Variants in PRSS23 observed in about 807,000 individuals in gnomAD.
PRSS23 encodes the protein serine protease 23, also known as protease, serine 23.
PRSS23 carries 25 observed loss-of-function variants against 34.7 expected under a neutral mutation model. The observed-to-expected ratio is 0.72, with a 90% CI of 0.53 to 1.01. The LOEUF is 1.01. Ranked by LOEUF, PRSS23 falls within the 50% of genes least tolerant of loss-of-function variation. The pLI is 0.00. For synonymous variants in PRSS23, 176 were observed against 186.6 expected, an observed-to-expected ratio of 0.94 and a Z score of 0.46; for missense variants, 445 against 475.6, an observed-to-expected ratio of 0.94 and a Z score of 0.60.
rs374428856 is a variant in PRSS23, at chr11:86,952,332, T to C, written c.*1047T>C. ...GGTGGGAATTTGCTGCAGTTCAGAC[T>C]CTCTGGCCAGGCAAATCCAAATTCC... On this transcript the variant is annotated 3_prime_UTR_variant, in exon 3 of 3. Coordinates refer to the PRSS23 transcript ENST00000533902. 3.7e-6 allele frequency: 6 copies of C among 1,614,176 alleles called. No individual in the cohort carries two copies. The South Asian group carries it at 6.6e-5, about 18-fold the overall frequency.
At position 86,808,056 on chromosome 11, in the gene PRSS23, G is replaced by A. The variant is rs1395472854; in HGVS notation, c.413G>A (p.Ser138Asn). ...ATTTATGGCTATGACAGCAGGTTCA[G>A]CATTTTTGGGAAGGACTTCCTGCTC... ...RQIYGYDSRF[S>N]IFGKDFLLNY... Residue 138 changes from serine to asparagine, a missense_variant, in exon 2 of 2, where the codon AGC (serine) becomes AAC (asparagine). Physicochemically the swap from Ser to Asn is conservative, Grantham distance 46 (BLOSUM62 1). Coordinates refer to ENST00000280258, the MANE Select transcript of PRSS23 (RefSeq NM_007173.6). The A allele has an allele frequency of 1.2e-6, 2 of 1,613,928 alleles. No homozygotes were observed. Among genetic ancestry groups the A allele is most frequent in the African/African-American group, 2.7e-5 (2 of 74,866 alleles).
At chr11:86,907,328 T>C (rs1024842036) in intron 2 of PRSS23, among the ~76,000 whole-genome samples, 41 of 152,340 alleles carry the variant, frequency 2.7e-4, no homozygotes, top group African/African-American at 9.6e-4. Flanking sequence ...AAATGTTTAT[T>C]GAACAAATTA....
rs573022668 is a variant in PRSS23, at chr11:86,844,552, A to G, written c.206+20959A>G. Among the ~76,000 whole-genome samples, 3 of 152,346 alleles carry G rather than the reference A, an allele frequency of 2.0e-5. No homozygotes were observed. The South Asian group carries it at 6.2e-4, about 32-fold the overall frequency. On this transcript the variant is annotated intron_variant, in intron 2 of 2. Transcript: ENST00000533902. The stretch of plus-strand genomic sequence containing the variant: ...TTTTTTGAGTCTGGAGTAATGTGAA[A>G]GTCTAAAATGTGTGTCAGTCCAAGC...
At chr11:86,841,196 T>G (rs574109185) in intron 2 of PRSS23, among the ~76,000 whole-genome samples, 24 of 151,714 alleles carry the variant, frequency 1.6e-4, no homozygotes, top group African/African-American at 5.3e-4. Context: ...AAAATTAGCC[T>G]GGTGTGGTGG....
chr11:86,849,062 A>C (rs1381608876), intron 2 of PRSS23, among the ~76,000 whole-genome samples: 1 of 152,174 alleles, frequency 6.6e-6, no homozygotes, highest in South Asian at 2.1e-4. Flanking sequence ...CAGCAACAGG[A>C]CTGAGGGTGC....
At chr11:86,904,077 G>A (rs775971446) in intron 2 of PRSS23, among the ~76,000 whole-genome samples, 1 of 149,656 alleles carries the variant, frequency 6.7e-6, no homozygotes, top group Non-Finnish European at 1.5e-5. Flanking sequence ...GGTAAATCAG[G>A]GATAGCATAT....
chr11:86,826,917 G>A lies in PRSS23; in HGVS notation c.206+3324G>A, dbSNP rs1293393085. Among the ~76,000 whole-genome samples the A allele has an allele frequency of 1.4e-4, 21 of 152,202 alleles. No homozygotes were observed. In the East Asian group the frequency reaches 3.9e-3, roughly 28 times the overall value. On this transcript the variant is annotated intron_variant, in intron 2 of 2. Transcript: ENST00000533902. ...TGCCAGTATTTTATTGAGGATTTTTGCATCGATGTTCATCAAGGATATTGG... is the reference window on the plus strand; with the variant it reads ...TGCCAGTATTTTATTGAGGATTTTTACATCGATGTTCATCAAGGATATTGG...
At chr11:86,938,273 A>T (rs1378833733) in intron 2 of PRSS23, among the ~76,000 whole-genome samples, 1 of 152,214 alleles carries the variant, frequency 6.6e-6, no homozygotes, top group African/African-American at 2.4e-5. Flanking sequence ...GCAATTACAG[A>T]TGTTTGAACT....
chr11:86,857,355 C>A (rs1236981440), intron 2 of PRSS23: 4 of 274,790 alleles, frequency 1.5e-5, no homozygotes, highest in East Asian at 1.3e-4. Context: ...TATAGTAAGA[C>A]AAAAGGATCC....
At chr11:86,884,271 A>G (rs529071484) in intron 2 of PRSS23, among the ~76,000 whole-genome samples, 1 of 152,258 alleles carries the variant, frequency 6.6e-6, no homozygotes, top group East Asian at 1.9e-4. Context: ...CCACATTGCC[A>G]ACAAAATATT....
At chr11:86,797,487 A>C (rs1286165539), upstream of PRSS23, among the ~76,000 whole-genome samples, 1 of 152,196 alleles carries the variant, frequency 6.6e-6, no homozygotes, top group Non-Finnish European at 1.5e-5. Context: ...GGACATCTGT[A>C]GTTAAAGAGT....
intron 2 of PRSS23, among the ~76,000 whole-genome samples, chr11:86,839,909 T>G (rs374116761): frequency 2.6e-5 from 4 of 151,068 alleles, no homozygotes; most frequent in South Asian, 4.2e-4. Flanking sequence ...GCTAAGAGAT[T>G]TTGTCATCAC....
chr11:86,866,036 TCTC>T (rs1400155429), intron 2 of PRSS23, among the ~76,000 whole-genome samples: 1 of 152,180 alleles, frequency 6.6e-6, no homozygotes, highest in African/African-American at 2.4e-5. Flanking sequence ...ACAAGCCTAA[TCTC>T]CTCACTTCTT....
intron 2 of PRSS23, chr11:86,947,611 C>T (rs1949254906): frequency 1.3e-5 from 2 of 152,238 alleles, no homozygotes; most frequent in Admixed American, 1.3e-4. Flanking sequence ...AAATGTCACC[C>T]CTTCTCCAGT....
intron 2 of PRSS23, among the ~76,000 whole-genome samples, chr11:86,879,113 G>T (rs1948748685): frequency 6.8e-6 from 1 of 146,724 alleles, no homozygotes; most frequent in African/African-American, 2.6e-5. Flanking sequence ...CCTCTTCCCG[G>T]CCGCCATCCC....
rs1948163911 is a variant in PRSS23 at position 86,810,342 on chromosome 11, G to A, written c.*1547G>A. The A allele has an allele frequency of 6.0e-6, 1 of 166,720 alleles. No individual in the cohort carries two copies. The highest frequency in any genetic ancestry group is 6.5e-5 in the Admixed American group (1 of 15,294). The allele number at this position is 166,720 out of a possible 1,614,324, so 10.3% of individuals were successfully genotyped here. On this transcript the variant is annotated 3_prime_UTR_variant, in exon 2 of 2. Transcript: ENST00000280258. Reference sequence around the variant, plus strand: ...GAGCACTGTCACTTAGACATTCTCTGGGGGATTTTCTGCTTGTCTTTCTTG... The same window carrying A: ...GAGCACTGTCACTTAGACATTCTCTAGGGGATTTTCTGCTTGTCTTTCTTG...
At chr11:86,904,710 G>A (rs933797113) in intron 2 of PRSS23, among the ~76,000 whole-genome samples, 1 of 152,126 alleles carries the variant, frequency 6.6e-6, no homozygotes, top group African/African-American at 2.4e-5. Context: ...AAAAGCATCT[G>A]TGGACAACAT....
chr11:86,943,568 G>A lies in PRSS23; in HGVS notation c.207-7648G>A, dbSNP rs113446551. Reference sequence around the variant, plus strand: ...GAACCAGGGAGGCGGAGGTTGCAGTGAGCCGAGATCAAGTCATTGCACTCC... The same window carrying A: ...GAACCAGGGAGGCGGAGGTTGCAGTAAGCCGAGATCAAGTCATTGCACTCC... On this transcript the variant is annotated intron_variant, in intron 2 of 2. Transcript: ENST00000533902. Among the ~76,000 whole-genome samples the A allele has an allele frequency of 2.6e-4, 39 of 151,940 alleles. 1 individual carries two copies. Among genetic ancestry groups the A allele is most frequent in the African/African-American group, 9.4e-4 (39 of 41,482 alleles).
chr11:86,844,220 C>T (rs1328839320), intron 2 of PRSS23, among the ~76,000 whole-genome samples: 2 of 152,142 alleles, frequency 1.3e-5, no homozygotes, highest in African/African-American at 4.8e-5. Flanking sequence ...AATGAGAACA[C>T]ATGAACAAAA....
Sources: gnomAD v4.1 joint callset for allele counts (sites outside exome capture counted in the v4.1 genomes callset) on GRCh38, gnomAD v4.1.1 for gene constraint, MANE v1.5 for transcripts, NCBI Gene and HGNC (gene_info 2026-07-23, HGNC 2026-07-21) for gene names.